TTC28: variants seen among roughly 807,000 people sequenced by gnomAD.
TTC28 encodes the protein tetratricopeptide repeat protein 28.
TTC28 carries 61 observed loss-of-function variants against 198.0 expected under a neutral mutation model. The observed-to-expected ratio is 0.31, with a 90% CI of 0.25 to 0.38. TTC28 has a LOEUF of 0.38. Among genes scored for constraint, TTC28 ranks in the 10% least tolerant of loss-of-function variants. TTC28 has a pLI of 1.00. For missense variants in TTC28, 2,678 were observed against 3,164.0 expected (o/e 0.85, Z 3.69); for synonymous variants, 1,171 against 1,297.8 (o/e 0.90, Z 2.10).
intron 2 of TTC28, among the ~76,000 whole-genome samples, chr22:28,590,592 A>G (rs371789210): frequency 1.9e-4 from 29 of 152,178 alleles, no homozygotes; most frequent in African/African-American, 6.0e-4. Context: ...CATCTCTACA[A>G]AACAAAACAA....
At chr22:28,342,685 CT>C (rs2045850350) in intron 2 of TTC28, among the ~76,000 whole-genome samples, 1 of 152,042 alleles carries the variant, frequency 6.6e-6, no homozygotes, top group Non-Finnish European at 1.5e-5. Context: ...GTGTTAAGAG[CT>C]CATCTTTCAT....
chr22:28,413,030 T>A (rs761840039), intron 2 of TTC28, among the ~76,000 whole-genome samples: 1 of 152,318 alleles, frequency 6.6e-6, no homozygotes, highest in Admixed American at 6.5e-5. Context: ...TGAAAAATCA[T>A]CTCACTCGCT....
At chr22:28,375,514 T>C (rs1053092059) in intron 2 of TTC28, among the ~76,000 whole-genome samples, 2 of 152,184 alleles carry the variant, frequency 1.3e-5, no homozygotes, top group East Asian at 1.9e-4. Flanking sequence ...ATTTAGAGTA[T>C]TAAGATTCAT....
intron 5 of TTC28, among the ~76,000 whole-genome samples, chr22:28,255,280 T>C (rs1055237044): frequency 2.6e-4 from 39 of 152,298 alleles, no homozygotes; most frequent in African/African-American, 9.1e-4. Flanking sequence ...GTGGGTATCA[T>C]TAGTGCAAAC....
At chr22:28,324,647 T>G (rs1300737714) in intron 2 of TTC28, among the ~76,000 whole-genome samples, 1 of 152,010 alleles carries the variant, frequency 6.6e-6, no homozygotes, top group Non-Finnish European at 1.5e-5. Flanking sequence ...ACCACATGAT[T>G]ATCTTCAGTA....
intron 5 of TTC28, 112 bp downstream of exon 5, chr22:28,296,086 T>A (rs2044888865): frequency 8.7e-7 from 1 of 1,148,754 alleles, no homozygotes; most frequent in East Asian, 2.6e-5. Flanking sequence ...TAATACTTTC[T>A]TCTGAAAGTA....
At chr22:28,237,444 C>T (rs888856100) in intron 5 of TTC28, among the ~76,000 whole-genome samples, 5 of 152,164 alleles carry the variant, frequency 3.3e-5, no homozygotes, top group Non-Finnish European at 5.9e-5. Flanking sequence ...CAGTACACAT[C>T]TTTAAATTAG....
chr22:28,153,933 G>T (rs944766338), intron 6 of TTC28, among the ~76,000 whole-genome samples: 1 of 152,200 alleles, frequency 6.6e-6, no homozygotes, highest in Non-Finnish European at 1.5e-5. Context: ...GCCTGAAACT[G>T]ATGTGTGTGG....
chr22:28,264,215 A>T (rs2147307462), intron 5 of TTC28, among the ~76,000 whole-genome samples: 1 of 152,214 alleles, frequency 6.6e-6, no homozygotes, highest in East Asian at 1.9e-4. Context: ...TACATCTCAC[A>T]AGATCTGATG....
chr22:28,613,522 C>T (rs2050854123), intron 2 of TTC28, among the ~76,000 whole-genome samples: 1 of 152,170 alleles, frequency 6.6e-6, no homozygotes. Flanking sequence ...ACCAATATCC[C>T]TGATGAGCAT....
intron 1 of TTC28, among the ~76,000 whole-genome samples, chr22:28,638,529 A>C (rs938123461): frequency 2.6e-5 from 4 of 152,100 alleles, no homozygotes; most frequent in African/African-American, 4.8e-5. Context: ...AAATCGGTTA[A>C]AAAAATGCAA....
At chr22:28,098,451 C>T (rs752913033) in intron 10 of TTC28, among the ~76,000 whole-genome samples, 3 of 152,186 alleles carry the variant, frequency 2.0e-5, no homozygotes, top group Non-Finnish European at 4.4e-5. Context: ...ATGGTTCTCA[C>T]CTGTGATCCC....
chr22:27,983,598 A>G lies in TTC28; in HGVS notation c.6069T>C (p.His2023=), dbSNP rs1484562944. 6 of 1,548,778 alleles carry G rather than the reference A, an allele frequency of 3.9e-6. No individual in the cohort carries two copies. The African/African-American group carries it at 6.9e-5, about 18-fold the overall frequency. Reference sequence around the variant, plus strand: ...GCAGGTAAGCGTTCTTGGACCGGTCATGGTCCTGCCGTCCTCCGGGGCCTC... The same window carrying G: ...GCAGGTAAGCGTTCTTGGACCGGTCGTGGTCCTGCCGTCCTCCGGGGCCTC... ...EGGGPGGRQD[H]DRSKNAYLQR... The change falls in exon 23 of 23, where the codon CAT becomes CAC. Residue 2023 remains histidine (H), a synonymous_variant. Coordinates refer to ENST00000397906, the MANE Select transcript of TTC28 (RefSeq NM_001145418.2).
At chr22:28,033,790 G>A (rs1167570738) in intron 12 of TTC28, among the ~76,000 whole-genome samples, 1 of 152,164 alleles carries the variant, frequency 6.6e-6, no homozygotes, top group Non-Finnish European at 1.5e-5. Context: ...ACTCATTCAT[G>A]TGGTCATTAG....
chr22:28,669,669 G>C (rs921850177), intron 1 of TTC28, among the ~76,000 whole-genome samples: 3 of 152,086 alleles, frequency 2.0e-5, no homozygotes, highest in Admixed American at 6.6e-5. Flanking sequence ...AAAATGTTAA[G>C]TTACTTATAA....
intron 12 of TTC28, among the ~76,000 whole-genome samples, chr22:28,036,567 G>A (rs1569098096): frequency 6.6e-6 from 1 of 152,172 alleles, no homozygotes; most frequent in Non-Finnish European, 1.5e-5. Flanking sequence ...GAGAAAGCAG[G>A]AGAGATCTAA....
chr22:28,319,382 G>A lies in TTC28; in HGVS notation c.382-12739C>T, dbSNP rs1718006801. Among the ~76,000 whole-genome samples the A allele has an allele frequency of 2.6e-5, 4 of 152,300 alleles. No homozygotes were observed. In the South Asian group the frequency reaches 6.2e-4, roughly 24 times the overall value. On this transcript the variant is annotated intron_variant, in intron 2 of 22. Transcript: ENST00000397906. ...CCCAAACACCTAAAGTCAGAAGAGA[G>A]GGACTATTCCAAGAATTGGAGCCAG...
At chr22:28,324,603 C>T (rs2045497868) in intron 2 of TTC28, among the ~76,000 whole-genome samples, 2 of 152,110 alleles carry the variant, frequency 1.3e-5, no homozygotes, top group Non-Finnish European at 2.9e-5. Flanking sequence ...AATCAATAAA[C>T]GTAATCCACT....
At chr22:28,166,805 C>G (rs566256227) in intron 5 of TTC28, among the ~76,000 whole-genome samples, 1 of 152,070 alleles carries the variant, frequency 6.6e-6, no homozygotes, top group African/African-American at 2.4e-5. Flanking sequence ...TAGCAGAAGG[C>G]AAGAAATAAC....
Sources: gnomAD v4.1 joint callset for allele counts (sites outside exome capture counted in the v4.1 genomes callset) on GRCh38, gnomAD v4.1.1 for gene constraint, MANE v1.5 for transcripts, NCBI Gene and HGNC (gene_info 2026-07-23, HGNC 2026-07-21) for gene names.